SCARA3: variants seen among roughly 807,000 people sequenced by gnomAD.
The protein encoded by SCARA3 is scavenger receptor class A member 3.
Under a neutral mutation model 47.0 loss-of-function variants are expected in SCARA3, and 39 were observed. That is an observed-to-expected ratio of 0.83 (90% CI 0.64 to 1.08). The LOEUF is 1.08. Ranked by LOEUF, SCARA3 falls within the 50% of genes least tolerant of loss-of-function variation. The pLI is 0.00. For synonymous variants in SCARA3, 356 were observed against 334.1 expected, an observed-to-expected ratio of 1.07 and a Z score of -0.71; for missense variants, 724 against 792.3, an observed-to-expected ratio of 0.91 and a Z score of 1.04.
the SCARA3 span, among the ~76,000 whole-genome samples, chr8:27,730,640 A>C: frequency 6.6e-6 from 1 of 151,880 alleles, no homozygotes; most frequent in East Asian, 1.9e-4. Context: ...GACTGCCAAC[A>C]ACCTGGACTT....
At chr8:27,715,222 A>T in the SCARA3 span, among the ~76,000 whole-genome samples, 1 of 152,134 alleles carries the variant, frequency 6.6e-6, no homozygotes, top group Non-Finnish European at 1.5e-5. The surrounding 1 kb of genome is among the most constrained non-coding windows in gnomAD (Gnocchi z 4.2). Context: ...CACCCTGCCC[A>T]GCTCAGGTTT....
In SCARA3 at chr8:27,659,417, G is replaced by T. The variant is rs760924822; in HGVS notation, c.1247G>T (p.Arg416Leu). The change falls in exon 5 of 6, where the codon CGC (arginine) becomes CTC (leucine). Residue 416 changes from arginine (R) to leucine (L), a missense_variant. Transcript: ENST00000301904. The stretch of plus-strand genomic sequence containing the variant: ...GGCACCACAGACCTGCTCCGGGAGC[G>T]CTTCAGCCTGCTCAGTGCCCGGCTG... ...MLGTTDLLRERFSLLSARLDL... is the reference protein window; with the variant it reads ...MLGTTDLLRELFSLLSARLDL... 3 of 1,613,668 alleles carry T rather than the reference G, an allele frequency of 1.9e-6. No homozygotes were observed. Among genetic ancestry groups the T allele is most frequent in the East Asian group, 4.5e-5 (2 of 44,856 alleles).
chr8:27,730,147 T>G, the SCARA3 span, among the ~76,000 whole-genome samples: 3 of 152,222 alleles, frequency 2.0e-5, no homozygotes, highest in Non-Finnish European at 2.9e-5. Flanking sequence ...CTTTCTTCTT[T>G]GGGTCATTCT....
At chr8:27,684,475 C>T in the SCARA3 span, among the ~76,000 whole-genome samples, 1 of 152,126 alleles carries the variant, frequency 6.6e-6, no homozygotes, top group South Asian at 2.1e-4. Context: ...CACTTGAGGC[C>T]AGAGTTCTAG....
chr8:27,706,690 G>C, the SCARA3 span, among the ~76,000 whole-genome samples: 1 of 152,196 alleles, frequency 6.6e-6, no homozygotes, highest in African/African-American at 2.4e-5. Flanking sequence ...AGGTAAATGT[G>C]AGAGGTGTTG....
At chr8:27,710,247 AAAG>A in the SCARA3 span, among the ~76,000 whole-genome samples, 8 of 151,932 alleles carry the variant, frequency 5.3e-5, no homozygotes, top group East Asian at 1.5e-3. Context: ...AAAAAAAAAA[AAAG>A]GAGAGATTTC....
intron 5 of SCARA3, among the ~76,000 whole-genome samples, chr8:27,669,401 C>T (rs1336839717): frequency 1.3e-5 from 2 of 152,254 alleles, no homozygotes; most frequent in African/African-American, 2.4e-5. Context: ...GACGCTATGG[C>T]TGTGCTGGTT....
chr8:27,664,946 A>G lies in SCARA3; in HGVS notation c.1369+5407A>G, dbSNP rs369123455. ...GTCACCACATGTAAAATCTCTCACAATTGAAAGCAAATTTCAGGGACACAG... is the reference window on the plus strand; with the variant it reads ...GTCACCACATGTAAAATCTCTCACAGTTGAAAGCAAATTTCAGGGACACAG... On this transcript the variant is annotated intron_variant, in intron 5 of 5. Coordinates refer to ENST00000301904, the MANE Select transcript of SCARA3 (RefSeq NM_016240.3). Among the ~76,000 whole-genome samples the G allele has an allele frequency of 2.5e-4, 38 of 152,326 alleles. 1 individual carries two copies. Among genetic ancestry groups the G allele is most frequent in the Middle Eastern group, 3.4e-3 (1 of 294 alleles).
At chr8:27,723,836 A>G in the SCARA3 span, among the ~76,000 whole-genome samples, 9 of 152,170 alleles carry the variant, frequency 5.9e-5, no homozygotes, top group Admixed American at 5.9e-4. Flanking sequence ...CCTAGGTTCA[A>G]ACGAGTCTCC....
At chr8:27,714,609 T>C in the SCARA3 span, among the ~76,000 whole-genome samples, 3 of 152,108 alleles carry the variant, frequency 2.0e-5, no homozygotes, top group Non-Finnish European at 2.9e-5. Context: ...CTAGGGGAGA[T>C]AAAAATACAC....
At chr8:27,681,886 G>A in the SCARA3 span, among the ~76,000 whole-genome samples, 1 of 152,140 alleles carries the variant, frequency 6.6e-6, no homozygotes, top group Non-Finnish European at 1.5e-5. Flanking sequence ...ATTCCAGCAT[G>A]TATTGTTTTG....
At chr8:27,694,879 C>G in the SCARA3 span, among the ~76,000 whole-genome samples, 464 of 152,206 alleles carry the variant, frequency 3.0e-3, 2 homozygotes, top group Middle Eastern at 0.02. Flanking sequence ...GCTGAAGCAA[C>G]TGGAATCTGA....
the SCARA3 span, among the ~76,000 whole-genome samples, chr8:27,722,426 A>G: frequency 3.9e-5 from 6 of 152,240 alleles, no homozygotes; most frequent in African/African-American, 1.4e-4. Flanking sequence ...CTATAAAAAA[A>G]GAGGTCAGAT....
At chr8:27,656,952 A>C in intron 4 of SCARA3, 72 bp downstream of exon 4, 1 of 960,462 alleles carries the variant, frequency 1.0e-6, no homozygotes. Context: ...CCCACGCTAC[A>C]GTGCCCCAGC....
the SCARA3 span, among the ~76,000 whole-genome samples, chr8:27,686,270 T>G: frequency 3.3e-5 from 5 of 151,806 alleles, no homozygotes; most frequent in Non-Finnish European, 7.4e-5. Flanking sequence ...GGGAGGCCCC[T>G]TCTCTACAAA....
chr8:27,674,381 C>T (rs1009048893), downstream of SCARA3, among the ~76,000 whole-genome samples: 2 of 152,178 alleles, frequency 1.3e-5, no homozygotes, highest in African/African-American at 4.8e-5. Flanking sequence ...CCTGCTGGCC[C>T]TTCATCACTG....
the SCARA3 span, among the ~76,000 whole-genome samples, chr8:27,690,474 G>A: frequency 6.6e-6 from 1 of 152,130 alleles, no homozygotes; most frequent in African/African-American, 2.4e-5. Flanking sequence ...GTCTGTAATA[G>A]CAAAAGATTG....
chr8:27,646,966 G>GCCCCC lies in SCARA3; in HGVS notation c.8-2735_8-2731dup, dbSNP rs869278331. Among the ~76,000 whole-genome samples the GCCCCC allele has an allele frequency of 2.0e-4, 6 of 29,854 alleles. 1 individual carries two copies. Among genetic ancestry groups the GCCCCC allele is most frequent in the East Asian group, 2.6e-3 (1 of 380 alleles). 19.6% of individuals were successfully genotyped at this position (29,854 alleles called of 152,430 possible). A position where few individuals can be genotyped will look rare whatever the true frequency, so the allele number is the denominator to read the frequency against. On this transcript the variant is annotated intron_variant, in intron 1 of 5. Transcript: ENST00000301904. Reference sequence around the variant, plus strand: ...AAAGCACTTGCCCGCACCCCTGACCGCCCCCGCCCCCCCCCCGCACACACA... The same window carrying GCCCCC: ...AAAGCACTTGCCCGCACCCCTGACCGCCCCCCCCCCGCCCCCCCCCCGCACACACA...
At chr8:27,686,232 G>A in the SCARA3 span, among the ~76,000 whole-genome samples, 10 of 152,062 alleles carry the variant, frequency 6.6e-5, no homozygotes, top group African/African-American at 1.7e-4. Flanking sequence ...CTTGACCCCA[G>A]GAGTTAGAGA....
Sources: gnomAD v4.1 joint callset for allele counts (sites outside exome capture counted in the v4.1 genomes callset) on GRCh38, gnomAD v4.1.1 for gene constraint, Gnocchi (gnomAD v3.1) non-coding constraint, MANE v1.5 for transcripts, NCBI Gene and HGNC (gene_info 2026-07-23, HGNC 2026-07-21) for gene names.